ANKS1B: variants seen among roughly 807,000 people sequenced by gnomAD.
ANKS1B encodes the protein ankyrin repeat and sterile alpha motif domain-containing protein 1B.
A neutral mutation model predicts 148.3 loss-of-function variants in ANKS1B; 36 were observed. The observed-to-expected ratio is 0.24, with a 90% confidence interval of 0.19 to 0.32. The LOEUF is 0.32. Among genes scored for constraint, ANKS1B ranks in the 10% least tolerant of loss-of-function variants. ANKS1B has a pLI of 1.00. For synonymous variants in ANKS1B, 542 were observed against 560.8 expected (o/e 0.97, Z 0.47); for missense variants, 1,157 against 1,542.6 (o/e 0.75, Z 4.19).
intron 12 of ANKS1B, among the ~76,000 whole-genome samples, chr12:99,285,331 G>A (rs2078988279): frequency 6.6e-6 from 1 of 152,082 alleles, no homozygotes; most frequent in African/African-American, 2.4e-5. Context: ...TCCATTGTAT[G>A]GATATAGCAT....
At chr12:99,640,901 A>G (rs890605714) in intron 9 of ANKS1B, among the ~76,000 whole-genome samples, 2 of 152,234 alleles carry the variant, frequency 1.3e-5, no homozygotes, top group Non-Finnish European at 2.9e-5. Context: ...TTTTTTCAGA[A>G]AATATAAAAT....
chr12:99,639,645 A>G (rs1567538729), intron 9 of ANKS1B, among the ~76,000 whole-genome samples: 2 of 152,110 alleles, frequency 1.3e-5, no homozygotes, highest in Admixed American at 6.5e-5. Flanking sequence ...ATGAGTTCTC[A>G]CGAGATCTGA....
At chr12:98,807,945 C>T in intron 19 of ANKS1B, 27 bp from the exon 20 acceptor site, 1 of 1,582,544 alleles carries the variant, frequency 6.3e-7, no homozygotes, top group Non-Finnish European at 8.7e-7. Context: ...ACTATCTTAT[C>T]TTGTCAATAT....
intron 8 of ANKS1B, among the ~76,000 whole-genome samples, chr12:99,771,651 T>C (rs2063206802): frequency 6.6e-6 from 1 of 152,086 alleles, no homozygotes; most frequent in Non-Finnish European, 1.5e-5. Context: ...TATAAAAATT[T>C]CATTTGGTAA....
intron 17 of ANKS1B, among the ~76,000 whole-genome samples, chr12:98,925,881 C>G (rs1414055117): frequency 1.3e-5 from 2 of 152,096 alleles, no homozygotes; most frequent in African/African-American, 4.8e-5. Context: ...GCCCTGACCC[C>G]AGCTAATTTT....
chr12:99,429,488 C>T (rs890668456), intron 11 of ANKS1B, among the ~76,000 whole-genome samples: 1 of 152,068 alleles, frequency 6.6e-6, no homozygotes, highest in Admixed American at 6.6e-5. Context: ...TGAGATTGAA[C>T]AGGAATGAAA....
At chr12:99,870,114 C>T (rs1455840950) in intron 1 of ANKS1B, among the ~76,000 whole-genome samples, 1 of 152,106 alleles carries the variant, frequency 6.6e-6, no homozygotes, top group Non-Finnish European at 1.5e-5. Flanking sequence ...TTCTAGTAGT[C>T]CCCAGTTTCT....
At position 98,744,112 on chromosome 12, in the gene ANKS1B, G is replaced by C. The variant is rs1162667580; in HGVS notation, c.*1627C>G. ...TTTCAGCAAAGCTCCTATTAACTTT[G>C]CTCCTATACAATTGCCTCCTGGTAC... is the stretch of plus-strand genomic sequence containing the variant. On this transcript the variant is annotated 3_prime_UTR_variant, in exon 27 of 27. Coordinates refer to ENST00000683438, the MANE Select transcript of ANKS1B (RefSeq NM_001352186.2). 2.0e-6 allele frequency: 2 copies of C among 985,246 alleles called. No homozygotes were observed. Among genetic ancestry groups the C allele is most frequent in the Non-Finnish European group, 2.4e-6 (2 of 829,654 alleles). The allele number at this position is 985,246 out of a possible 1,614,324, so 61.0% of individuals were successfully genotyped here.
At chr12:99,110,374 A>G (rs948657751) in intron 15 of ANKS1B, among the ~76,000 whole-genome samples, 6 of 152,214 alleles carry the variant, frequency 3.9e-5, no homozygotes, top group African/African-American at 1.2e-4. Flanking sequence ...AATAAATTCT[A>G]TCATAGAAAT....
At chr12:99,854,892 A>G (rs1029357843) in intron 1 of ANKS1B, among the ~76,000 whole-genome samples, 1 of 152,210 alleles carries the variant, frequency 6.6e-6, no homozygotes, top group African/African-American at 2.4e-5. Context: ...GAAGTGCTAA[A>G]AGGAGCTCTA....
chr12:99,111,341 A>T (rs1387392882), intron 15 of ANKS1B, among the ~76,000 whole-genome samples: 1 of 152,198 alleles, frequency 6.6e-6, no homozygotes, highest in Non-Finnish European at 1.5e-5. Flanking sequence ...TTTGGCTTAT[A>T]TAATATTAAA....
chr12:99,673,048 A>G (rs564699609), intron 8 of ANKS1B, among the ~76,000 whole-genome samples: 4 of 152,238 alleles, frequency 2.6e-5, no homozygotes, highest in Non-Finnish European at 5.9e-5. Context: ...ATACCCTCAA[A>G]AAGGTCAGAA....
At chr12:98,814,849 T>C (rs1238920142) in intron 19 of ANKS1B, among the ~76,000 whole-genome samples, 1 of 152,168 alleles carries the variant, frequency 6.6e-6, no homozygotes, top group African/African-American at 2.4e-5. Context: ...GATGGTGAAG[T>C]CAACACACAT....
At chr12:99,004,686 A>G (rs1431703207) in intron 17 of ANKS1B, among the ~76,000 whole-genome samples, 6 of 152,122 alleles carry the variant, frequency 3.9e-5, no homozygotes, top group South Asian at 4.2e-4. Flanking sequence ...AAAATGCCCT[A>G]TGAAAATCTC....
At chr12:99,597,900 T>C (rs573666796) in intron 9 of ANKS1B, among the ~76,000 whole-genome samples, 1 of 152,192 alleles carries the variant, frequency 6.6e-6, no homozygotes, top group African/African-American at 2.4e-5. Context: ...GTAAATGAGC[T>C]GTATACATAG....
intron 17 of ANKS1B, chr12:99,049,148 G>A (rs1050293195): frequency 2.5e-4 from 38 of 152,196 alleles, no homozygotes; most frequent in African/African-American, 8.9e-4. Context: ...ATTATGTCCC[G>A]TGGTGAAAGC....
chr12:99,544,892 G>A (rs2133898), intron 9 of ANKS1B, among the ~76,000 whole-genome samples: 64,354 of 151,886 alleles, frequency 0.42, 13,952 homozygotes, highest in South Asian at 0.54. Flanking sequence ...CTGGCTAAAA[G>A]TGCCTGCTGT....
intron 1 of ANKS1B, among the ~76,000 whole-genome samples, chr12:99,971,562 G>A (rs962786393): frequency 6.0e-5 from 9 of 149,568 alleles, no homozygotes; most frequent in Non-Finnish European, 1.0e-4. Flanking sequence ...TTACTAACTA[G>A]AGGTACCAAA....
intron 14 of ANKS1B, among the ~76,000 whole-genome samples, chr12:99,193,822 G>A (rs55654118): frequency 8.1e-5 from 5 of 61,618 alleles, no homozygotes; most frequent in Non-Finnish European, 1.7e-4. Flanking sequence ...TTTTTTTTGA[G>A]ATGGAGTCTT....
Sources: gnomAD v4.1 joint callset for allele counts (sites outside exome capture counted in the v4.1 genomes callset) on GRCh38, gnomAD v4.1.1 for gene constraint, MANE v1.5 for transcripts, NCBI Gene and HGNC (gene_info 2026-07-23, HGNC 2026-07-21) for gene names.